Variants in NIPSNAP1 observed in about 807,000 individuals in gnomAD.
NIPSNAP1 encodes protein NipSnap homolog 1.
NIPSNAP1 carries 25 observed loss-of-function variants against 49.2 expected under a neutral mutation model. The observed-to-expected ratio is 0.51, with a 90% confidence interval of 0.37 to 0.71. The LOEUF (loss-of-function observed/expected upper bound fraction) is 0.71, where lower values mean the gene tolerates loss of function less well. Ranked by LOEUF, NIPSNAP1 falls within the 30% of genes least tolerant of loss-of-function variation. The probability of loss-of-function intolerance (pLI) is 0.00; values close to 1 mark genes in which losing one functional copy is unlikely to be tolerated. For missense variants in NIPSNAP1, 294 were observed against 361.0 expected (o/e 0.81, Z 1.50); for synonymous variants, 143 against 140.7 (o/e 1.02, Z -0.12).
At chr22:29,576,567 G>A (rs1190620342) in intron 1 of NIPSNAP1, among the ~76,000 whole-genome samples, 1 of 151,314 alleles carries the variant, frequency 6.6e-6, no homozygotes. Flanking sequence ...AGAAATGAAT[G>A]AAAGAGGAGC....
Position 29,561,623 on chromosome 22 carries a change from C to T in NIPSNAP1, c.462G>A (p.Glu154=), listed in dbSNP as rs757220066. 4 of 1,613,932 alleles carry T rather than the reference C, an allele frequency of 2.5e-6. No homozygotes were observed. In the East Asian group the frequency reaches 8.9e-5, roughly 36 times the overall value. The part of the protein sequence containing the change: ...NNKEYLEFRR[E]RSQMLLSRRN... ...TCCTGGACAGCAGCATCTGGCTCCG[C>T]TCCCTTCGGAACTCCAGGTACTCCT... The change falls in exon 6 of 10, where the codon GAG becomes GAA. Residue 154 remains glutamate (E), a synonymous_variant. Transcript: ENST00000216121.
At chr22:29,564,844 T>C (rs542191347) in intron 4 of NIPSNAP1, among the ~76,000 whole-genome samples, 8 of 152,304 alleles carry the variant, frequency 5.3e-5, no homozygotes, top group South Asian at 4.1e-4. Context: ...CAGCTGACTA[T>C]GTGAGGGACT....
chr22:29,558,982 A>T, intron 8 of NIPSNAP1, 29 bp from the exon 9 acceptor site: 4 of 1,519,358 alleles, frequency 2.6e-6, no homozygotes, highest in Non-Finnish European at 3.6e-6. Flanking sequence ...CTCATTCCTC[A>T]GGCACAGAGG....
rs751832850 is a variant in NIPSNAP1 at position 29,570,497 on chromosome 22, C to T, written c.134G>A (p.Arg45His). The part of the protein sequence containing the change: ...YSKDNEGSWF[R>H]SLFVHKVDPR... Reference sequence around the variant, plus strand: ...ATCCACTTTGTGAACAAAGAGGGAGCGGAACCAGCTGCCTTCATTGTCCTT... The same window carrying T: ...ATCCACTTTGTGAACAAAGAGGGAGTGGAACCAGCTGCCTTCATTGTCCTT... The change falls in exon 2 of 10, where the codon CGC becomes CAC. Residue 45 changes from arginine to histidine, a missense_variant. By Grantham distance (29) the Arg-to-His change is conservative. Coordinates refer to ENST00000216121, the MANE Select transcript of NIPSNAP1 (RefSeq NM_003634.4). 3.2e-5 allele frequency: 52 copies of T among 1,613,860 alleles called. No individual in the cohort carries two copies. The highest frequency in any genetic ancestry group is 2.0e-4 in the East Asian group (9 of 44,888).
At chr22:29,570,005 GAGAAAGAA>G (rs574102676) in intron 3 of NIPSNAP1, 149 bp downstream of exon 3, 4 of 700,688 alleles carry the variant, frequency 5.7e-6, no homozygotes, top group East Asian at 2.7e-5. Flanking sequence ...AAAAGAAAGA[GAGAAAGAA>G]AGAAAGAAAG....
At chr22:29,567,261 G>C (rs1054095930) in intron 4 of NIPSNAP1, among the ~76,000 whole-genome samples, 14 of 152,176 alleles carry the variant, frequency 9.2e-5, no homozygotes, top group Non-Finnish European at 2.1e-4. Context: ...TCTTATAGCT[G>C]GTGCCAACTT....
intron 4 of NIPSNAP1, among the ~76,000 whole-genome samples, chr22:29,563,816 G>A (rs2064352339): frequency 6.6e-6 from 1 of 152,110 alleles, no homozygotes; most frequent in Non-Finnish European, 1.5e-5. Flanking sequence ...AGATTAGAAT[G>A]ACAAGTCTAC....
intron 2 of NIPSNAP1, 71 bp downstream of exon 2, chr22:29,570,334 C>T: frequency 1.9e-6 from 3 of 1,612,512 alleles, no homozygotes; most frequent in Non-Finnish European, 2.5e-6. Context: ...CCTCCCATCT[C>T]CTTCCTGGAG....
intron 1 of NIPSNAP1, chr22:29,580,052 G>A (rs923702522): frequency 1.9e-5 from 25 of 1,294,510 alleles, no homozygotes; most frequent in Non-Finnish European, 2.5e-5. Context: ...AGGAGGGATG[G>A]TTGCTTCCTT....
intron 3 of NIPSNAP1, 42 bp downstream of exon 3, chr22:29,570,120 C>T (rs1404673383): frequency 2.5e-6 from 4 of 1,591,430 alleles, no homozygotes; most frequent in Admixed American, 3.3e-5. Flanking sequence ...GTGTGTTCCC[C>T]ACCCAAGCAG....
At chr22:29,569,371 C>T (rs996337738) in intron 3 of NIPSNAP1, 84 bp from the exon 4 acceptor site, 2 of 1,022,720 alleles carry the variant, frequency 2.0e-6, no homozygotes, top group East Asian at 5.0e-5. Context: ...TTCAAACAGA[C>T]CCTGGGGCTG....
At chr22:29,561,359 A>C in intron 6 of NIPSNAP1, 147 bp downstream of exon 6, 1 of 1,426,302 alleles carries the variant, frequency 7.0e-7, no homozygotes, top group Non-Finnish European at 9.8e-7. Context: ...CCTGGTGTGC[A>C]TGTTTGCACA....
At chr22:29,569,105 G>T in intron 4 of NIPSNAP1, 88 bp downstream of exon 4, 1 of 997,302 alleles carries the variant, frequency 1.0e-6, no homozygotes, top group Non-Finnish European at 1.6e-6. Context: ...TGCTGTTGTG[G>T]AGAGGGAGTG....
intron 9 of NIPSNAP1, 129 bp from the exon 10 acceptor site, chr22:29,556,128 C>T: frequency 2.7e-6 from 2 of 737,798 alleles, no homozygotes; most frequent in Admixed American, 2.2e-5. Context: ...AGGAATGTCC[C>T]ATTGCCCTCG....
chr22:29,575,578 T>A (rs1377594422), intron 1 of NIPSNAP1, among the ~76,000 whole-genome samples: 1 of 152,196 alleles, frequency 6.6e-6, no homozygotes, highest in Non-Finnish European at 1.5e-5. Flanking sequence ...AAGCCCTCTC[T>A]TCCTGCTCTC....
intron 4 of NIPSNAP1, among the ~76,000 whole-genome samples, chr22:29,562,442 A>C (rs2064342130): frequency 6.6e-6 from 1 of 152,204 alleles, no homozygotes; most frequent in Non-Finnish European, 1.5e-5. Flanking sequence ...GACCAGGCGC[A>C]GTGGCTCACA....
intron 1 of NIPSNAP1, chr22:29,580,279 T>A (rs1368364672): frequency 1.3e-5 from 16 of 1,258,958 alleles, no homozygotes; most frequent in Non-Finnish European, 1.5e-5. Flanking sequence ...GACCAAGGAG[T>A]GAGGGGCTGC....
In NIPSNAP1 at chr22:29,570,188, T is replaced by G. The variant is rs2064397714; in HGVS notation, c.246A>C (p.Glu82Asp). Residue 82 changes from glutamate to aspartate, a missense_variant, in exon 3 of 10, where the codon GAA (glutamate) becomes GAC (aspartate). Physicochemically the swap from Glu to Asp is conservative, Grantham distance 45. Coordinates refer to ENST00000216121, the MANE Select transcript of NIPSNAP1 (RefSeq NM_003634.4). ...YKIQFHNVKP[E>D]YLDAYNSLTE... ...TGAGGCTGTTGTAGGCATCCAGGTA[T>G]TCAGGCTTTACATTGTGAACTGCAA... 6.2e-7 allele frequency: 1 copy of G among 1,613,766 alleles called. No homozygotes were observed. Among genetic ancestry groups the G allele is most frequent in the Non-Finnish European group, 8.5e-7 (1 of 1,179,996 alleles).
In NIPSNAP1 at chr22:29,577,341, C is replaced by G. The variant is rs1399210036; in HGVS notation, c.98+3644G>C. On this transcript the variant is annotated intron_variant, in intron 1 of 9. Transcript: ENST00000216121. Reference sequence around the variant, plus strand: ...GATCTCGGCTCACTGCAACTTCCACCTCCCAGGTTCAAGGGATTCTCCTGC... The same window carrying G: ...GATCTCGGCTCACTGCAACTTCCACGTCCCAGGTTCAAGGGATTCTCCTGC... 4.6e-5 allele frequency among the ~76,000 whole-genome samples: 7 copies of G among 151,424 alleles called. No individual in the cohort carries two copies. The East Asian group carries it at 1.4e-3, about 29-fold the overall frequency.
Sources: gnomAD v4.1 joint callset for allele counts (sites outside exome capture counted in the v4.1 genomes callset) on GRCh38, gnomAD v4.1.1 for gene constraint, MANE v1.5 for transcripts, NCBI Gene and HGNC (gene_info 2026-07-23, HGNC 2026-07-21) for gene names.